Variants in HS6ST2 observed in about 807,000 individuals in gnomAD.
HS6ST2 encodes heparan sulfate 6-O-sulfotransferase 2.
Under a neutral mutation model 33.0 loss-of-function variants are expected in HS6ST2, and 17 were observed. The ratio of observed to expected loss-of-function variants is 0.52; its 90% CI spans 0.35 to 0.77. The LOEUF (loss-of-function observed/expected upper bound fraction) is 0.77, where lower values mean the gene tolerates loss of function less well. HS6ST2 is among the 30% of genes least tolerant of loss of function. The pLI, the probability that HS6ST2 is intolerant of heterozygous loss-of-function variation, is 0.01. For missense variants in HS6ST2, 519 were observed against 551.7 expected, an observed-to-expected ratio of 0.94 and a Z score of 0.59; for synonymous variants, 248 against 237.1, an observed-to-expected ratio of 1.05 and a Z score of -0.42.
At chrX:132,846,901 C>T (rs1455524192) in intron 2 of HS6ST2, among the ~76,000 whole-genome samples, 1 of 110,308 alleles carries the variant, frequency 9.1e-6, no homozygotes, top group Non-Finnish European at 1.9e-5. Context: ...AGCACAGCAC[C>T]TCCTAATGAT....
chrX:132,765,410 G>A (rs1478523549), intron 2 of HS6ST2, among the ~76,000 whole-genome samples: 2 of 75,389 alleles, frequency 2.7e-5, no homozygotes, highest in East Asian at 3.5e-4. Context: ...TAGACTTTGT[G>A]TGTGTGCATG....
chrX:132,868,092 T>G (rs921031245), intron 2 of HS6ST2, among the ~76,000 whole-genome samples: 25 of 111,612 alleles, frequency 2.2e-4, no homozygotes, highest in Middle Eastern at 4.7e-3. Context: ...GGAGAAAGGT[T>G]TACCAAGTAA....
chrX:132,842,283 T>A (rs747551012), intron 2 of HS6ST2, among the ~76,000 whole-genome samples: 15 of 111,751 alleles, frequency 1.3e-4, no homozygotes, highest in Non-Finnish European at 2.4e-4. Flanking sequence ...TCAATTTTGG[T>A]TTCGTTGCAA....
intron 2 of HS6ST2, among the ~76,000 whole-genome samples, chrX:132,727,045 G>C (rs2064399138): frequency 9.0e-6 from 1 of 110,595 alleles, no homozygotes; most frequent in South Asian, 3.9e-4. Flanking sequence ...AGTGTTTTTA[G>C]TGAATAGTAA....
At chrX:132,728,691 G>C (rs1299886872) in intron 2 of HS6ST2, among the ~76,000 whole-genome samples, 2 of 112,323 alleles carry the variant, frequency 1.8e-5, no homozygotes, top group Middle Eastern at 9.3e-3. Context: ...CTGGCAATAA[G>C]GGAAAGAAGA....
intron 2 of HS6ST2, among the ~76,000 whole-genome samples, chrX:132,842,209 A>T (rs1406466318): frequency 9.0e-6 from 1 of 111,435 alleles, no homozygotes; most frequent in Admixed American, 9.5e-5. Flanking sequence ...GCCACAAACA[A>T]CAGCTCAGGC....
chrX:132,767,660 A>G (rs933372934), intron 2 of HS6ST2, among the ~76,000 whole-genome samples: 62 of 111,434 alleles, frequency 5.6e-4, no homozygotes, highest in Non-Finnish European at 5.7e-5. Flanking sequence ...CGGCCTCCCA[A>G]AATGCTGAGA....
At chrX:132,694,811 G>A (rs1052829714) in intron 3 of HS6ST2, among the ~76,000 whole-genome samples, 11 of 110,999 alleles carry the variant, frequency 9.9e-5, no homozygotes, top group Non-Finnish European at 1.9e-5. Context: ...ATTTGCTAGT[G>A]GATTAGACAT....
chrX:132,906,039 T>C (rs1277103654), intron 2 of HS6ST2, among the ~76,000 whole-genome samples: 3 of 111,143 alleles, frequency 2.7e-5, no homozygotes, highest in Non-Finnish European at 5.7e-5. Context: ...AAAAAAGGAA[T>C]CAGATTAACA....
intron 2 of HS6ST2, among the ~76,000 whole-genome samples, chrX:132,765,039 T>C (rs2064833211): frequency 8.9e-6 from 1 of 111,941 alleles, no homozygotes; most frequent in African/African-American, 3.3e-5. Context: ...ATAGCAAGTG[T>C]GGTTTTAAGT....
chrX:132,700,262 C>T (rs779995935), intron 3 of HS6ST2, among the ~76,000 whole-genome samples: 1 of 111,703 alleles, frequency 9.0e-6, no homozygotes, highest in African/African-American at 3.3e-5. Flanking sequence ...CCTTGTAATT[C>T]TAGTGTCTGG....
intron 4 of HS6ST2, among the ~76,000 whole-genome samples, chrX:132,653,501 C>A (rs903212687): frequency 3.6e-5 from 4 of 111,576 alleles, no homozygotes; most frequent in South Asian, 3.8e-4. Context: ...ATAGTGGTGA[C>A]GGGGGCTTGT....
At chrX:132,763,488 A>T (rs1277117762) in intron 2 of HS6ST2, among the ~76,000 whole-genome samples, 3 of 112,278 alleles carry the variant, frequency 2.7e-5, no homozygotes, top group Non-Finnish European at 5.6e-5. Flanking sequence ...AACAGCAGAC[A>T]GTGCAGACTC....
At chrX:132,629,212 G>A (rs777623307) in intron 4 of HS6ST2, 119 bp from the exon 5 acceptor site, 1 of 748,278 alleles carries the variant, frequency 1.3e-6, no homozygotes, top group African/African-American at 2.1e-5. Flanking sequence ...AAAAATGACA[G>A]GGATCTGATG....
At chrX:132,634,251 T>G (rs943685961) in intron 4 of HS6ST2, among the ~76,000 whole-genome samples, 1 of 112,089 alleles carries the variant, frequency 8.9e-6, no homozygotes, top group African/African-American at 3.2e-5. Context: ...AAGTCTCTGA[T>G]AGTTGCTGGA....
At chrX:132,858,317 A>G (rs1168145148) in intron 2 of HS6ST2, among the ~76,000 whole-genome samples, 2 of 112,124 alleles carry the variant, frequency 1.8e-5, no homozygotes, top group Non-Finnish European at 3.8e-5. Flanking sequence ...GTAGACAGGG[A>G]ATCTTGATGG....
intron 4 of HS6ST2, among the ~76,000 whole-genome samples, chrX:132,639,406 T>C (rs2063585027): frequency 8.9e-6 from 1 of 111,907 alleles, no homozygotes; most frequent in East Asian, 2.8e-4. Flanking sequence ...ATTCTAAAAT[T>C]ATTTTGTGAG....
Position 132,709,036 on chromosome X carries a change from T to C in HS6ST2, c.948-542A>G, listed in dbSNP as rs1002107144. Among the ~76,000 whole-genome samples the C allele has an allele frequency of 3.6e-5, 4 of 112,360 alleles. No homozygotes were observed. The South Asian group carries it at 1.1e-3, about 31-fold the overall frequency. ...AATTCAAAGCACACATAAGGTGATATATAAATCATCTCTCTAGTCCCTTCC... is the reference window on the plus strand; with the variant it reads ...AATTCAAAGCACACATAAGGTGATACATAAATCATCTCTCTAGTCCCTTCC... On this transcript the variant is annotated intron_variant, in intron 2 of 4. Coordinates refer to ENST00000370833, the MANE Select transcript of HS6ST2 (RefSeq NM_001394073.1).
At chrX:132,822,554 T>C (rs773934717) in intron 2 of HS6ST2, among the ~76,000 whole-genome samples, 1 of 111,857 alleles carries the variant, frequency 8.9e-6, no homozygotes, top group Non-Finnish European at 1.9e-5. Flanking sequence ...ATCCAGATTA[T>C]TACCCCAATA....
Sources: gnomAD v4.1 joint callset for allele counts (sites outside exome capture counted in the v4.1 genomes callset) on GRCh38, gnomAD v4.1.1 for gene constraint, MANE v1.5 for transcripts, NCBI Gene and HGNC (gene_info 2026-07-23, HGNC 2026-07-21) for gene names.